The following COG2 variants were observed in gnomAD, a reference collection of about 807,000 sequenced individuals.
The protein encoded by COG2 is component of oligomeric golgi complex 2.
Under a neutral mutation model 90.6 loss-of-function variants are expected in COG2, and 52 were observed. That is an observed-to-expected ratio of 0.57 (90% CI 0.46 to 0.72). The LOEUF (loss-of-function observed/expected upper bound fraction) is 0.72, where lower values mean the gene tolerates loss of function less well. COG2 is among the 30% of genes least tolerant of loss of function. The pLI is 0.00. For synonymous variants in COG2, 337 were observed against 320.4 expected (o/e 1.05, Z -0.55); for missense variants, 829 against 891.2 (o/e 0.93, Z 0.89).
intron 9 of COG2, chr1:230,678,519 C>G (rs1662654006): frequency 1.0e-6 from 1 of 985,234 alleles, no homozygotes; most frequent in Admixed American, 6.2e-5. Context: ...TCTCTTCTCT[C>G]TCTTTCTTCT....
chr1:230,657,204 T>C (rs12741893), intron 1 of COG2, among the ~76,000 whole-genome samples: 8,154 of 149,384 alleles, frequency 0.055, 243 homozygotes, highest in Middle Eastern at 0.085. Context: ...AGTGGCTGAC[T>C]AGTTTTTCCT....
chr1:230,660,188 A>ACT (rs1662149823), intron 2 of COG2, among the ~76,000 whole-genome samples: 1 of 152,120 alleles, frequency 6.6e-6, no homozygotes, highest in Non-Finnish European at 1.5e-5. Context: ...TACTTTTAAA[A>ACT]CTCTCTCCAA....
chr1:230,683,878 G>A (rs1238270601), intron 11 of COG2, among the ~76,000 whole-genome samples: 1 of 151,678 alleles, frequency 6.6e-6, no homozygotes, highest in Admixed American at 6.6e-5. Context: ...TGCAGCCCCC[G>A]CCTCCCAGGT....
chr1:230,674,381 A>G (rs1473946366), intron 8 of COG2, among the ~76,000 whole-genome samples: 2 of 152,186 alleles, frequency 1.3e-5, no homozygotes, highest in Non-Finnish European at 2.9e-5. Flanking sequence ...TGTCATCTAC[A>G]TTTGGGAATT....
Position 230,669,485 on chromosome 1 carries a change from G to C in COG2, c.724G>C (p.Asp242His). The change falls in exon 7 of 18, where the codon GAC (aspartate) becomes CAC (histidine). Residue 242 changes from aspartate to histidine, a missense_variant. Asp to His is a moderately conservative substitution (Grantham distance 81). Coordinates refer to ENST00000366669, the MANE Select transcript of COG2 (RefSeq NM_007357.3). The part of the protein sequence containing the change: ...RTYATIDKTR[D>H]AEALVGQVLV... ...TTACGCCACGATTGACAAGACACGG[G>C]ACGCGGAGGCCTTAGTTGGCCAAGT... is the stretch of plus-strand genomic sequence containing the variant. 6.2e-7 allele frequency: 1 copy of C among 1,614,052 alleles called. No individual in the cohort carries two copies. Among genetic ancestry groups the C allele is most frequent in the Non-Finnish European group, 8.5e-7 (1 of 1,179,944 alleles).
chr1:230,683,488 T>A, intron 10 of COG2, 86 bp from the exon 11 acceptor site: 1 of 1,003,850 alleles, frequency 1.0e-6, no homozygotes, highest in South Asian at 1.3e-5. Context: ...AGGAAGTTCC[T>A]GTTACTTAGG....
In COG2 at chr1:230,659,575, G is replaced by A. The variant is rs761579955; in HGVS notation, c.184G>A (p.Glu62Lys). 5.1e-5 allele frequency: 82 copies of A among 1,613,852 alleles called. No homozygotes were observed. Among genetic ancestry groups the A allele is most frequent in the Non-Finnish European group, 6.5e-5 (77 of 1,179,966 alleles). The change falls in exon 2 of 18, where the codon GAA (glutamate) becomes AAA (lysine). Residue 62 changes from glutamate (E) to lysine (K), a missense_variant. By Grantham distance (56) the Glu-to-Lys change is moderately conservative. Transcript: ENST00000366669. ...YYKLLKTAMVELINKDYADFV... is the reference protein window; with the variant it reads ...YYKLLKTAMVKLINKDYADFV... ...TAAACTTCTTAAAACAGCCATGGTC[G>A]AACTCATCAACAAGGATTATGCAGA...
chr1:230,660,538 T>C (rs1662156890), intron 2 of COG2, among the ~76,000 whole-genome samples: 1 of 152,190 alleles, frequency 6.6e-6, no homozygotes, highest in South Asian at 2.1e-4. Flanking sequence ...ACTTCTCTTA[T>C]TTTTATAGTT....
chr1:230,650,460 T>G (rs1387817657), intron 1 of COG2, among the ~76,000 whole-genome samples: 2 of 152,208 alleles, frequency 1.3e-5, no homozygotes, highest in Non-Finnish European at 2.9e-5. Flanking sequence ...ATTAGTTATG[T>G]TGGACATTTT....
intron 5 of COG2, 143 bp from the exon 6 acceptor site, chr1:230,668,533 T>C (rs1032972276): frequency 1.8e-6 from 1 of 561,252 alleles, no homozygotes; most frequent in Admixed American, 3.2e-5. Context: ...GCTTTCACCT[T>C]GTAACAAGGT....
At chr1:230,657,052 C>T (rs1662074422) in intron 1 of COG2, among the ~76,000 whole-genome samples, 1 of 152,090 alleles carries the variant, frequency 6.6e-6, no homozygotes, top group Middle Eastern at 3.2e-3. Flanking sequence ...TTAACTGGGG[C>T]ATTTAGTCTG....
In COG2 at chr1:230,664,574, C is replaced by T. The variant is rs1662270923; in HGVS notation, c.472C>T (p.Leu158=). ...TCAAAGTTCTAAAGAAACCTCTGCA[C>T]TAGAAGCAAGCAGGTAAGTATTTTT... ...NSQSSKETSA[L]EASSPLLTGQ... Residue 158 remains leucine (L), a synonymous_variant, in exon 5 of 18, where the codon CTA becomes TTA. Coordinates refer to ENST00000366669, the MANE Select transcript of COG2 (RefSeq NM_007357.3). 6.6e-7 allele frequency: 1 copy of T among 1,525,722 alleles called. No homozygotes were observed. 94.5% of individuals were successfully genotyped at this position (1,525,722 alleles called of 1,614,324 possible).
At position 230,693,352 on chromosome 1, in the gene COG2, G is replaced by T. The variant is rs575390679; in HGVS notation, c.2176G>T (p.Val726Phe). Reference protein sequence around the residue: ...IKSFSALAELVAAAKDQATAE... With the variant: ...IKSFSALAELFAAAKDQATAE... ...AAGCTTCTCAGCTCTCGCAGAGCTT[G>T]TTGCTGCTGCCAAGGACCAGGCAAC... The change falls in exon 18 of 18, where the codon GTT (valine) becomes TTT (phenylalanine). Residue 726 changes from valine to phenylalanine, a missense_variant. By Grantham distance (50) the Val-to-Phe change is conservative. Transcript: ENST00000366669. The T allele has an allele frequency of 6.2e-7, 1 of 1,613,652 alleles. No homozygotes were observed. The highest frequency in any genetic ancestry group is 8.5e-7 in the Non-Finnish European group (1 of 1,179,734).
intron 9 of COG2, 75 bp from the exon 10 acceptor site, chr1:230,678,838 T>G: frequency 6.3e-7 from 1 of 1,592,334 alleles, no homozygotes; most frequent in Non-Finnish European, 8.5e-7. Flanking sequence ...TTTATCTTGA[T>G]TACAGTTTTC....
chr1:230,642,693 C>A lies in COG2; in HGVS notation c.72+15C>A, dbSNP rs373522760. On this transcript the variant is annotated intron_variant, in intron 1 of 17. Transcript: ENST00000366669. ...AGTTCATGAAGGTGCGCGCGGCGTCCGCTCCCCGGAGCCGGGCCATGAGGG... is the reference window on the plus strand; with the variant it reads ...AGTTCATGAAGGTGCGCGCGGCGTCAGCTCCCCGGAGCCGGGCCATGAGGG... 6.2e-6 allele frequency: 10 copies of A among 1,609,432 alleles called. No homozygotes were observed. Among genetic ancestry groups the A allele is most frequent in the South Asian group, 1.1e-5 (1 of 89,930 alleles).
rs182853106 is a variant in COG2, at chr1:230,675,133, C to T, written c.1026+9C>T. 4.2e-5 allele frequency: 67 copies of T among 1,605,168 alleles called. No homozygotes were observed. The highest frequency in any genetic ancestry group is 1.2e-4 in the Admixed American group (7 of 58,948). On this transcript the variant is annotated intron_variant, in intron 9 of 17. Transcript: ENST00000366669. ...CCGATGCATTTCATGAGGTATCTCC[C>T]CGCCCGTCGTCTTGATTCTTGAAGA...
intron 8 of COG2, among the ~76,000 whole-genome samples, chr1:230,672,117 G>A (rs1662461798): frequency 6.6e-6 from 1 of 151,970 alleles, no homozygotes; most frequent in Non-Finnish European, 1.5e-5. Context: ...CATTGTCCCA[G>A]TCCAGGCCTT....
intron 8 of COG2, among the ~76,000 whole-genome samples, chr1:230,673,229 G>A (rs2102760962): frequency 6.6e-6 from 1 of 152,180 alleles, no homozygotes; most frequent in East Asian, 1.9e-4. Flanking sequence ...TTTTTAGTGT[G>A]GGGGAATTCA....
rs139505361 is a variant in COG2, at chr1:230,669,527, A to T, written c.766A>T (p.Ile256Leu). 6.2e-7 allele frequency: 1 copy of T among 1,613,706 alleles called. No homozygotes were observed. Among genetic ancestry groups the T allele is most frequent in the African/African-American group, 1.3e-5 (1 of 75,016 alleles). Residue 256 changes from isoleucine (I) to leucine (L), a missense_variant, in exon 7 of 18, where the codon ATA becomes TTA. Transcript: ENST00000366669. ...LVGQVLVKPYIDEVIIEQFVE... is the reference protein window; with the variant it reads ...LVGQVLVKPYLDEVIIEQFVE... ...TGGCCAAGTACTAGTGAAACCATAC[A>T]TAGACGAGGTCTGTGTACCTCCTTC...
Sources: allele counts gnomAD v4.1 joint callset (sites outside exome capture counted in the v4.1 genomes callset), GRCh38; gene constraint gnomAD v4.1.1; transcripts MANE v1.5; gene names NCBI Gene and HGNC (gene_info 2026-07-23, HGNC 2026-07-21).